Variants in KCNH8 observed in about 807,000 individuals in gnomAD.
KCNH8 encodes the protein potassium voltage-gated channel subfamily H member 8, also known as voltage-gated delayed rectifier potassium channel KCNH8.
KCNH8 carries 70 observed loss-of-function variants against 103.6 expected under a neutral mutation model. The observed-to-expected ratio is 0.68, with a 90% CI of 0.56 to 0.82. The LOEUF (loss-of-function observed/expected upper bound fraction) is 0.82, where lower values mean the gene tolerates loss of function less well. Among genes scored for constraint, KCNH8 ranks in the 40% least tolerant of loss-of-function variants. KCNH8 has a pLI of 0.00. For missense variants in KCNH8, 1,217 were observed against 1,329.9 expected, an observed-to-expected ratio of 0.92 and a Z score of 1.32; for synonymous variants, 498 against 489.4, an observed-to-expected ratio of 1.02 and a Z score of -0.23.
At chr3:19,421,412 G>C (rs1374074830) in intron 7 of KCNH8, among the ~76,000 whole-genome samples, 1 of 152,128 alleles carries the variant, frequency 6.6e-6, no homozygotes, top group East Asian at 1.9e-4. Context: ...ATTCTCATTA[G>C]AATGATAGCA....
chr3:19,349,337 T>G (rs988673917), intron 5 of KCNH8, among the ~76,000 whole-genome samples: 1 of 151,938 alleles, frequency 6.6e-6, no homozygotes, highest in African/African-American at 2.4e-5. Context: ...CCTTTTACTT[T>G]GCCAACATTT....
At chr3:19,478,378 G>T (rs1357987549) in intron 11 of KCNH8, among the ~76,000 whole-genome samples, 1 of 151,900 alleles carries the variant, frequency 6.6e-6, no homozygotes, top group African/African-American at 2.4e-5. Context: ...CATAAAGCTT[G>T]TACTAGTTTA....
intron 7 of KCNH8, among the ~76,000 whole-genome samples, chr3:19,414,408 A>C (rs1225719355): frequency 3.3e-5 from 5 of 152,082 alleles, no homozygotes; most frequent in African/African-American, 1.2e-4. Flanking sequence ...ATGGAAAAAC[A>C]TTGAAAAAAA....
intron 7 of KCNH8, among the ~76,000 whole-genome samples, chr3:19,408,684 G>A (rs1356947518): frequency 6.6e-6 from 1 of 152,064 alleles, no homozygotes; most frequent in Non-Finnish European, 1.5e-5. Context: ...CAGAACTTCT[G>A]GAATTGAAAA....
In KCNH8 at chr3:19,148,691, G is replaced by T. The variant is rs2063099491; in HGVS notation, c.-29G>T. ...CGAACCATCCTTCTGGACAAACTTT[G>T]ATGGAGAATTTCACACCACGCTGGA... On this transcript the variant is annotated 5_prime_UTR_variant, in exon 1 of 16. Transcript: ENST00000328405. The T allele has an allele frequency of 6.2e-7, 1 of 1,609,374 alleles. No individual in the cohort carries two copies. Among genetic ancestry groups the T allele is most frequent in the Non-Finnish European group, 8.5e-7 (1 of 1,175,636 alleles).
intron 1 of KCNH8, among the ~76,000 whole-genome samples, chr3:19,196,965 A>G (rs1244336782): frequency 6.6e-6 from 1 of 152,062 alleles, no homozygotes; most frequent in Non-Finnish European, 1.5e-5. Flanking sequence ...TCCAACTTCA[A>G]ATTCAGAATT....
chr3:19,218,498 CT>C (rs1232114193), intron 1 of KCNH8, among the ~76,000 whole-genome samples: 1 of 152,198 alleles, frequency 6.6e-6, no homozygotes. Flanking sequence ...AGAACTCAGG[CT>C]TTAGTCAGAT....
intron 11 of KCNH8, among the ~76,000 whole-genome samples, chr3:19,497,133 TTC>T (rs1033775554): frequency 2.6e-5 from 4 of 152,172 alleles, no homozygotes; most frequent in African/African-American, 9.6e-5. Flanking sequence ...TATTTGGCTC[TTC>T]TCTCTTCTTT....
rs1559297407 is a variant in KCNH8 at position 19,376,554 on chromosome 3, G to GATGGAAATGCAGAAATGCAGAAA, written c.812-13927_812-13926insATGGAAATGCAGAAATGCAGAAA. ...TCAGATGGAAATGCAGAAATCACCC[G>GATGGAAATGCAGAAATGCAGAAA]TCTTCTGTGTCGCTCACGCTGGGAG... is the stretch of plus-strand genomic sequence containing the variant. On this transcript the variant is annotated intron_variant, in intron 5 of 15. Coordinates refer to ENST00000328405, the MANE Select transcript of KCNH8 (RefSeq NM_144633.3). Among the ~76,000 whole-genome samples, 3 of 152,140 alleles carry GATGGAAATGCAGAAATGCAGAAA rather than the reference G, an allele frequency of 2.0e-5. 1 individual carries two copies. The East Asian group carries it at 5.8e-4, about 29-fold the overall frequency.
Position 19,369,349 on chromosome 3 carries a change from T to A in KCNH8, c.812-21132T>A, listed in dbSNP as rs145273282. 2.5e-3 allele frequency among the ~76,000 whole-genome samples: 376 copies of A among 152,044 alleles called. 3 individuals are homozygous for A. The highest frequency in any genetic ancestry group is 8.6e-3 in the African/African-American group (356 of 41,502). ...TTCCACTGTCTACTACTGTGTTCTC[T>A]TGATTTTCCTTCTCCTTGCTGGATG... On this transcript the variant is annotated intron_variant, in intron 5 of 15. Transcript: ENST00000328405.
At chr3:19,491,525 G>C (rs1029831751) in intron 11 of KCNH8, among the ~76,000 whole-genome samples, 37 of 152,120 alleles carry the variant, frequency 2.4e-4, no homozygotes, top group Admixed American at 3.9e-4. Context: ...TTTTATGACT[G>C]TATTACTATG....
intron 1 of KCNH8, among the ~76,000 whole-genome samples, chr3:19,170,802 A>T (rs1559407123): frequency 5.0e-5 from 5 of 100,590 alleles, no homozygotes; most frequent in African/African-American, 2.5e-4. Flanking sequence ...ATATATATAT[A>T]TATATATATT....
intron 5 of KCNH8, among the ~76,000 whole-genome samples, chr3:19,388,755 C>T (rs563228178): frequency 4.6e-5 from 7 of 152,188 alleles, no homozygotes; most frequent in African/African-American, 1.7e-4. Flanking sequence ...AGACTAGTCT[C>T]TGTGAAGGTA....
chr3:19,321,722 A>C (rs539838339), intron 3 of KCNH8, among the ~76,000 whole-genome samples: 2 of 152,032 alleles, frequency 1.3e-5, no homozygotes, highest in South Asian at 4.2e-4. Context: ...GTTTAAGTCC[A>C]TGGTTTCTTT....
intron 11 of KCNH8, among the ~76,000 whole-genome samples, chr3:19,485,982 C>CTT (rs1299203123): frequency 1.3e-5 from 2 of 152,054 alleles, no homozygotes; most frequent in East Asian, 1.9e-4. Flanking sequence ...TACAGTCTTA[C>CTT]TTTTACTGAG....
intron 3 of KCNH8, among the ~76,000 whole-genome samples, chr3:19,325,349 T>C (rs2065407306): frequency 6.7e-6 from 1 of 149,236 alleles, no homozygotes; most frequent in Non-Finnish European, 1.5e-5. Flanking sequence ...TGGGACCTAA[T>C]TAAACTAAAG....
At position 19,456,917 on chromosome 3, in the gene KCNH8, C is replaced by T. The variant is rs766338702; in HGVS notation, c.1975C>T (p.His659Tyr). 7.4e-6 allele frequency: 12 copies of T among 1,612,380 alleles called. No individual in the cohort carries two copies. The highest frequency in any genetic ancestry group is 1.1e-5 in the South Asian group (1 of 91,032). ...EVLDLYPEYA[H>Y]KFVEDIQHDL... Reference sequence around the variant, plus strand: ...GCTAGACCTTTACCCAGAATATGCTCACAAATTCGTGGAAGACATTCAGCA... The same window carrying T: ...GCTAGACCTTTACCCAGAATATGCTTACAAATTCGTGGAAGACATTCAGCA... The change falls in exon 11 of 16, where the codon CAC (histidine) becomes TAC (tyrosine). Residue 659 changes from histidine (H) to tyrosine (Y), a missense_variant. Coordinates refer to ENST00000328405, the MANE Select transcript of KCNH8 (RefSeq NM_144633.3).
chr3:19,282,163 G>A (rs1339383398), intron 3 of KCNH8, among the ~76,000 whole-genome samples: 3 of 151,976 alleles, frequency 2.0e-5, no homozygotes, highest in African/African-American at 4.8e-5. Context: ...GTGTGTGATT[G>A]TTTTCAATAC....
At chr3:19,190,839 G>T (rs115455307) in intron 1 of KCNH8, among the ~76,000 whole-genome samples, 3,114 of 151,918 alleles carry the variant, frequency 0.02, 107 homozygotes, top group African/African-American at 0.07. Context: ...CCTCAAACAC[G>T]AATCTCACGA....
Sources: gnomAD v4.1 joint callset for allele counts (sites outside exome capture counted in the v4.1 genomes callset) on GRCh38, gnomAD v4.1.1 for gene constraint, MANE v1.5 for transcripts, NCBI Gene and HGNC (gene_info 2026-07-23, HGNC 2026-07-21) for gene names.